ANKRD6: variants seen among roughly 807,000 people sequenced by gnomAD.
The protein encoded by ANKRD6 is ankyrin repeat domain-containing protein 6.
Under a neutral mutation model 82.3 loss-of-function variants are expected in ANKRD6, and 56 were observed. The ratio of observed to expected loss-of-function variants is 0.68; its 90% CI spans 0.55 to 0.85. ANKRD6 has a LOEUF of 0.85. ANKRD6 is among the 40% of genes least tolerant of loss of function. The pLI, the probability that ANKRD6 is intolerant of heterozygous loss-of-function variation, is 0.00. For synonymous variants in ANKRD6, 347 were observed against 352.1 expected (o/e 0.99, Z 0.16); for missense variants, 852 against 907.6 (o/e 0.94, Z 0.79).
chr6:89,441,620 CTTT>C (rs71556522), intron 1 of ANKRD6, among the ~76,000 whole-genome samples: 4 of 80,468 alleles, frequency 5.0e-5, no homozygotes, highest in African/African-American at 1.5e-4. Flanking sequence ...CTTTTCTTTC[CTTT>C]TTTTTTTTTT....
chr6:89,593,076 T>C lies in ANKRD6; in HGVS notation c.121-2840T>C, dbSNP rs922520110. 3.3e-5 allele frequency among the ~76,000 whole-genome samples: 5 copies of C among 152,106 alleles called. No individual in the cohort carries two copies. In the East Asian group the frequency reaches 9.7e-4, roughly 29 times the overall value. Reference sequence around the variant, plus strand: ...GTGACAAAGTGAGACTCCATCTCAATTTTTTAAAAAGTACTCCTGGGTCTG... The same window carrying C: ...GTGACAAAGTGAGACTCCATCTCAACTTTTTAAAAAGTACTCCTGGGTCTG... On this transcript the variant is annotated intron_variant, in intron 2 of 15. Transcript: ENST00000339746.
At chr6:89,453,999 C>T (rs1773211898) in intron 1 of ANKRD6, among the ~76,000 whole-genome samples, 1 of 152,008 alleles carries the variant, frequency 6.6e-6, no homozygotes, top group Non-Finnish European at 1.5e-5. Flanking sequence ...GACGGAGTTT[C>T]ACCATTTTGG....
At chr6:89,605,922 T>C in intron 4 of ANKRD6, 85 bp from the exon 5 acceptor site, 1 of 965,508 alleles carries the variant, frequency 1.0e-6, no homozygotes. Flanking sequence ...TGGTGTTCCG[T>C]AAAAATCCAC....
chr6:89,527,622 AAAAAGAAAAAG>A (rs1782662013), intron 1 of ANKRD6, among the ~76,000 whole-genome samples: 1 of 146,010 alleles, frequency 6.8e-6, no homozygotes, highest in African/African-American at 2.7e-5. Flanking sequence ...AAAAAAAAAA[AAAAAGAAAAAG>A]AAAAGAAAAA....
chr6:89,600,985 C>CAAG (rs1272828604), intron 3 of ANKRD6, among the ~76,000 whole-genome samples: 1 of 152,114 alleles, frequency 6.6e-6, no homozygotes, highest in Non-Finnish European at 1.5e-5. Context: ...TGCAGTGAAC[C>CAAG]AAGATGGCAC....
At chr6:89,542,377 A>G (rs1302382201) in intron 1 of ANKRD6, among the ~76,000 whole-genome samples, 1 of 152,220 alleles carries the variant, frequency 6.6e-6, no homozygotes, top group Non-Finnish European at 1.5e-5. Context: ...AAGAGCCATT[A>G]GTGTATTAGA....
intron 1 of ANKRD6, among the ~76,000 whole-genome samples, chr6:89,512,982 C>T (rs1309121767): frequency 2.0e-5 from 3 of 151,750 alleles, no homozygotes; most frequent in Admixed American, 6.6e-5. Flanking sequence ...TGGAGTGCAG[C>T]GGTGGGATCA....
chr6:89,496,180 C>G (rs539210453), intron 1 of ANKRD6, among the ~76,000 whole-genome samples: 12 of 151,728 alleles, frequency 7.9e-5, no homozygotes, highest in South Asian at 2.1e-4. Context: ...CACACTGCCC[C>G]CCCCCCCACC....
In ANKRD6 at chr6:89,627,419, GAA is replaced by G. The variant is rs1806086104; in HGVS notation, c.1372-162_1372-161del. ...TCATAGAAACATGCTCAAGAATTCT[GAA>G]AGAGTTCCATGAGTCCTACATGCAA... On this transcript the variant is annotated intron_variant, in intron 13 of 15. Transcript: ENST00000339746. Among the ~76,000 whole-genome samples the G allele has an allele frequency of 3.9e-5, 6 of 152,282 alleles. No individual in the cohort carries two copies. The South Asian group carries it at 1.2e-3, about 32-fold the overall frequency.
intron 1 of ANKRD6, among the ~76,000 whole-genome samples, chr6:89,512,304 G>A (rs984114075): frequency 4.6e-5 from 7 of 152,186 alleles, no homozygotes; most frequent in Non-Finnish European, 8.8e-5. Flanking sequence ...TGCTATATTT[G>A]TAAAACATCC....
intron 2 of ANKRD6, among the ~76,000 whole-genome samples, chr6:89,591,249 G>A (rs764994524): frequency 1.3e-5 from 2 of 152,040 alleles, no homozygotes; most frequent in African/African-American, 2.4e-5. Flanking sequence ...GACTACAGGC[G>A]CACAAAACAA....
rs756908199 is a variant in ANKRD6, at chr6:89,630,579, C to T, written c.1759C>T (p.Arg587Ter). Residue 587 changes from arginine to a stop codon, truncating the protein, a stop_gained, in exon 16 of 16, where the codon CGA becomes TGA. Coordinates refer to ENST00000339746, the MANE Select transcript of ANKRD6 (RefSeq NM_001242809.2). LOFTEE classifies it high-confidence loss of function. ...ELSSSDCTGS[R>*]LRNVKVQTAL... Reference sequence around the variant, plus strand: ...GTCGTCTTCTGACTGTACAGGCTCCCGACTGAGAAACGTCAAGGTCCAGAC... The same window carrying T: ...GTCGTCTTCTGACTGTACAGGCTCCTGACTGAGAAACGTCAAGGTCCAGAC... The T allele has an allele frequency of 9.3e-6, 15 of 1,613,858 alleles. No homozygotes were observed. Among genetic ancestry groups the T allele is most frequent in the Middle Eastern group, 1.6e-4 (1 of 6,062 alleles).
chr6:89,616,529 A>C, intron 7 of ANKRD6, 30 bp from the exon 8 acceptor site: 1 of 1,604,548 alleles, frequency 6.2e-7, no homozygotes, highest in Non-Finnish European at 8.5e-7. Flanking sequence ...TGAGCAGATG[A>C]GGTTTAGCAG....
rs1227274602 is a variant in ANKRD6 at position 89,445,264 on chromosome 6, C to CTTTTTT, written c.-144+11908_-144+11913dup. Among the ~76,000 whole-genome samples the CTTTTTT allele has an allele frequency of 1.2e-3, 78 of 64,066 alleles. 2 individuals carry two copies. The highest frequency in any genetic ancestry group is 3.8e-3 in the East Asian group (7 of 1,862). The allele number at this position is 64,066 out of a possible 152,430, so 42.0% of individuals were successfully genotyped here. A position where few individuals can be genotyped will look rare whatever the true frequency, so the allele number is the denominator to read the frequency against. On this transcript the variant is annotated intron_variant, in intron 1 of 15. Coordinates refer to ENST00000339746, the MANE Select transcript of ANKRD6 (RefSeq NM_001242809.2). The stretch of plus-strand genomic sequence containing the variant: ...CGGTGATCTGTGATCAGAGATCTTT[C>CTTTTTT]TTTTTTTTTTTTTTTTTTTTTTTTG...
rs562045507 is a variant in ANKRD6, at chr6:89,556,964, T to C, written c.-143-9870T>C. On this transcript the variant is annotated intron_variant, in intron 1 of 15. Coordinates refer to ENST00000339746, the MANE Select transcript of ANKRD6 (RefSeq NM_001242809.2). ...TATATTTTTAGTCTCTAGGCCTTAC[T>C]GTCTCAAATCAGGATGATTTGGTGG... Among the ~76,000 whole-genome samples the C allele has an allele frequency of 1.5e-4, 23 of 152,260 alleles. 1 individual carries two copies. The South Asian group carries it at 3.3e-3, about 22-fold the overall frequency.
At chr6:89,623,728 G>A (rs1804511907) in intron 11 of ANKRD6, 144 bp from the exon 12 acceptor site, 4 of 1,250,292 alleles carry the variant, frequency 3.2e-6, no homozygotes, top group Non-Finnish European at 3.3e-6. Context: ...TATTTCTTTT[G>A]ACATGTGTGG....
chr6:89,575,656 G>T (rs947454647), intron 2 of ANKRD6, among the ~76,000 whole-genome samples: 1 of 152,070 alleles, frequency 6.6e-6, no homozygotes, highest in African/African-American at 2.4e-5. Context: ...AAACATTTCC[G>T]AATTATTTTC....
At chr6:89,464,826 G>A (rs923858695) in intron 1 of ANKRD6, among the ~76,000 whole-genome samples, 2 of 152,178 alleles carry the variant, frequency 1.3e-5, no homozygotes, top group African/African-American at 4.8e-5. Flanking sequence ...GAATTGGGTG[G>A]GCCAGGACAG....
At chr6:89,495,158 G>A (rs906014298) in intron 1 of ANKRD6, among the ~76,000 whole-genome samples, 3 of 152,206 alleles carry the variant, frequency 2.0e-5, no homozygotes, top group Non-Finnish European at 4.4e-5. Context: ...GCATGAACCC[G>A]GGAGGCGGAG....
Sources: allele counts gnomAD v4.1 joint callset (sites outside exome capture counted in the v4.1 genomes callset), GRCh38; gene constraint gnomAD v4.1.1; transcripts MANE v1.5; gene names NCBI Gene and HGNC (gene_info 2026-07-23, HGNC 2026-07-21).